The following RANBP2 variants were observed in gnomAD, a reference collection of about 807,000 sequenced individuals.
The protein encoded by RANBP2 is E3 SUMO-protein ligase RanBP2.
Under a neutral mutation model 303.6 loss-of-function variants are expected in RANBP2, and 57 were observed. The ratio of observed to expected loss-of-function variants is 0.19; its 90% CI spans 0.15 to 0.23. The LOEUF (loss-of-function observed/expected upper bound fraction) is 0.23, where lower values mean the gene tolerates loss of function less well. Among genes scored for constraint, RANBP2 ranks in the 10% least tolerant of loss-of-function variants. The pLI is 1.00. For synonymous variants in RANBP2, 1,167 were observed against 1,301.5 expected, an observed-to-expected ratio of 0.90 and a Z score of 2.23; for missense variants, 3,138 against 3,780.8, an observed-to-expected ratio of 0.83 and a Z score of 4.46.
At chr2:109,571,544 T>G in the RANBP2 span, among the ~76,000 whole-genome samples, 1 of 152,198 alleles carries the variant, frequency 6.6e-6, no homozygotes, top group Non-Finnish European at 1.5e-5. Flanking sequence ...TGTGTATATC[T>G]AAACATATCT....
the RANBP2 span, among the ~76,000 whole-genome samples, chr2:109,515,652 T>C: frequency 6.6e-6 from 1 of 152,158 alleles, no homozygotes; most frequent in African/African-American, 2.4e-5. Flanking sequence ...CTGTTTTGCG[T>C]TGCTACAAAG....
chr2:109,395,743 G>A, the RANBP2 span, among the ~76,000 whole-genome samples: 1 of 152,170 alleles, frequency 6.6e-6, no homozygotes, highest in Non-Finnish European at 1.5e-5. Context: ...ACTGCTGAGG[G>A]GCCAGGCACT....
chr2:108,923,484 C>T, the RANBP2 span: 2 of 1,604,246 alleles, frequency 1.2e-6, no homozygotes, highest in South Asian at 1.1e-5. Context: ...AAAACAGAGA[C>T]AGGTGAGCTG....
chr2:108,720,369 AT>A (rs1299792715), intron 1 of RANBP2, among the ~76,000 whole-genome samples: 2 of 150,978 alleles, frequency 1.3e-5, no homozygotes, highest in African/African-American at 2.5e-5. Context: ...AAAAAAAAAA[AT>A]TCTAAAGTTC....
At chr2:109,251,615 G>C in the RANBP2 span, 2 of 1,274,910 alleles carry the variant, frequency 1.6e-6, no homozygotes, top group East Asian at 4.6e-5. Context: ...ATAGGAAATA[G>C]TATCATCATG....
intron 7 of RANBP2, among the ~76,000 whole-genome samples, chr2:108,741,163 A>G (rs1375204159): frequency 2.6e-5 from 4 of 152,076 alleles, no homozygotes; most frequent in African/African-American, 4.8e-5. Context: ...CAGTATATCT[A>G]TTAATCTTTG....
chr2:108,855,487 TAA>T, the RANBP2 span, among the ~76,000 whole-genome samples: 3 of 137,436 alleles, frequency 2.2e-5, no homozygotes, highest in African/African-American at 2.7e-5. Flanking sequence ...GTGGTGTTGC[TAA>T]AAAAAAAAAA....
chr2:109,142,198 T>C, the RANBP2 span, among the ~76,000 whole-genome samples: 1 of 152,300 alleles, frequency 6.6e-6, no homozygotes, highest in Admixed American at 6.5e-5. Flanking sequence ...GGGCGGACTC[T>C]TGCGCCTTTG....
the RANBP2 span, among the ~76,000 whole-genome samples, chr2:109,560,818 C>G: frequency 1.3e-5 from 2 of 152,096 alleles, no homozygotes; most frequent in African/African-American, 4.8e-5. Flanking sequence ...TAGGCGTCTC[C>G]TTCTAGCCTC....
the RANBP2 span, among the ~76,000 whole-genome samples, chr2:109,669,261 G>T: frequency 2.0e-5 from 3 of 152,120 alleles, no homozygotes; most frequent in Admixed American, 1.3e-4. Context: ...CAAGACACTG[G>T]TCTAGGCAAA....
chr2:108,725,000 A>C (rs1215100739), intron 1 of RANBP2, among the ~76,000 whole-genome samples: 11 of 152,182 alleles, frequency 7.2e-5, no homozygotes, highest in Admixed American at 7.2e-4. Flanking sequence ...ATAGTGAAAA[A>C]GTAGGCCACA....
the RANBP2 span, among the ~76,000 whole-genome samples, chr2:109,316,641 C>A: frequency 6.6e-6 from 1 of 152,206 alleles, no homozygotes. Flanking sequence ...CCATGTGCAG[C>A]CTTTCCATCA....
the RANBP2 span, among the ~76,000 whole-genome samples, chr2:108,953,550 A>G: frequency 1.3e-5 from 2 of 152,236 alleles, no homozygotes; most frequent in East Asian, 3.9e-4. Flanking sequence ...TTTGTTGTCC[A>G]ATACCTGATG....
the RANBP2 span, among the ~76,000 whole-genome samples, chr2:109,000,269 G>A: frequency 1.3e-5 from 2 of 152,216 alleles, no homozygotes; most frequent in Non-Finnish European, 2.9e-5. Flanking sequence ...GCTCATGTCT[G>A]TAATCCCAGC....
At chr2:109,472,961 G>A in the RANBP2 span, among the ~76,000 whole-genome samples, 1 of 152,144 alleles carries the variant, frequency 6.6e-6, no homozygotes, top group African/African-American at 2.4e-5. Flanking sequence ...GAATGAATGT[G>A]GTGCTATAAA....
intron 1 of RANBP2, among the ~76,000 whole-genome samples, chr2:108,728,350 G>C (rs1481733167): frequency 6.6e-6 from 1 of 152,108 alleles, no homozygotes; most frequent in Non-Finnish European, 1.5e-5. Context: ...CTGGAGTGCA[G>C]TGTCACAGTC....
the RANBP2 span, among the ~76,000 whole-genome samples, chr2:108,983,942 G>C: frequency 6.6e-6 from 1 of 152,224 alleles, no homozygotes; most frequent in Non-Finnish European, 1.5e-5. Flanking sequence ...AGTGCAGCTG[G>C]CCAGTGGCTC....
the RANBP2 span, among the ~76,000 whole-genome samples, chr2:109,508,530 T>TA: frequency 6.6e-6 from 1 of 151,676 alleles, no homozygotes; most frequent in South Asian, 2.1e-4. Flanking sequence ...AAACTGGATC[T>TA]AAAAGAAGTC....
chr2:109,418,594 T>G, the RANBP2 span, among the ~76,000 whole-genome samples: 13 of 152,074 alleles, frequency 8.5e-5, no homozygotes, highest in African/African-American at 3.1e-4. Flanking sequence ...GTAAGGATAC[T>G]CATCATTGGA....
Sources: gnomAD v4.1 joint callset for allele counts (sites outside exome capture counted in the v4.1 genomes callset) on GRCh38, gnomAD v4.1.1 for gene constraint, MANE v1.5 for transcripts, NCBI Gene and HGNC (gene_info 2026-07-23, HGNC 2026-07-21) for gene names.